Variants in CDH18 observed in about 807,000 individuals in gnomAD.
The protein encoded by CDH18 is cadherin-18.
Under a neutral mutation model 67.9 loss-of-function variants are expected in CDH18, and 31 were observed. The observed-to-expected ratio is 0.46, with a 90% CI of 0.34 to 0.62. CDH18 has a LOEUF of 0.62. Ranked by LOEUF, CDH18 falls within the 20% of genes least tolerant of loss-of-function variation. CDH18 has a pLI of 0.01. For missense variants in CDH18, 890 were observed against 975.5 expected, an observed-to-expected ratio of 0.91 and a Z score of 1.17; for synonymous variants, 362 against 347.2, an observed-to-expected ratio of 1.04 and a Z score of -0.48.
Position 19,839,126 on chromosome 5 carries a change from C to T in CDH18, c.-140G>A. 1.6e-6 allele frequency: 1 copy of T among 642,548 alleles called. No individual in the cohort carries two copies. The highest frequency in any genetic ancestry group is 2.8e-6 in the Non-Finnish European group (1 of 362,510). The allele number at this position is 642,548 out of a possible 1,614,324, so 39.8% of individuals were successfully genotyped here. A position where few individuals can be genotyped will look rare whatever the true frequency, so the allele number is the denominator to read the frequency against. On this transcript the variant is annotated 5_prime_UTR_variant, in exon 3 of 13. Transcript: ENST00000382275. Reference sequence around the variant, plus strand: ...ATTGTTTAGCGTGTCCATGATTTAACTGTCCATCAGGGAAAGGTCAGATCA... The same window carrying T: ...ATTGTTTAGCGTGTCCATGATTTAATTGTCCATCAGGGAAAGGTCAGATCA...
At chr5:19,844,502 T>C (rs1339683716) in intron 2 of CDH18, among the ~76,000 whole-genome samples, 1 of 152,144 alleles carries the variant, frequency 6.6e-6, no homozygotes, top group Admixed American at 6.5e-5. Flanking sequence ...GAACTGTGAG[T>C]CAATTAAATC....
chr5:19,677,926 G>T lies in CDH18; in HGVS notation c.643+43421C>A, dbSNP rs1023932953. 1.2e-4 allele frequency among the ~76,000 whole-genome samples: 18 copies of T among 151,952 alleles called. 1 individual carries two copies. The highest frequency in any genetic ancestry group is 8.5e-4 in the Admixed American group (13 of 15,210). ...TGACAAGCAGACCTAACTTCTCTTA[G>T]TGTGTGTAAATCAAATTAAATATAT... On this transcript the variant is annotated intron_variant, in intron 5 of 12. Transcript: ENST00000382275.
intron 2 of CDH18, among the ~76,000 whole-genome samples, chr5:20,198,000 T>A (rs754000857): frequency 6.6e-6 from 1 of 152,126 alleles, no homozygotes; most frequent in Non-Finnish European, 1.5e-5. Context: ...GGCTTCCCCC[T>A]TAAGTGGGCA....
chr5:20,084,465 G>A (rs547435315), intron 2 of CDH18, among the ~76,000 whole-genome samples: 1 of 152,156 alleles, frequency 6.6e-6, no homozygotes, highest in South Asian at 2.1e-4. Context: ...CAAGCTGTCA[G>A]TGGATATACC....
chr5:20,407,733 T>TA (rs201052975), intron 1 of CDH18, among the ~76,000 whole-genome samples: 6,894 of 151,186 alleles, frequency 0.046, 433 homozygotes, highest in African/African-American at 0.14. Flanking sequence ...TTTTTTTTTT[T>TA]AAAAAACTTG....
intron 3 of CDH18, among the ~76,000 whole-genome samples, chr5:19,753,793 T>C (rs988611855): frequency 2.0e-5 from 3 of 152,168 alleles, no homozygotes; most frequent in Non-Finnish European, 4.4e-5. Context: ...GCAGAAACCA[T>C]ACAAGCTCGA....
chr5:20,339,316 A>G (rs1480726259), intron 1 of CDH18, among the ~76,000 whole-genome samples: 1 of 152,136 alleles, frequency 6.6e-6, no homozygotes, highest in African/African-American at 2.4e-5. Context: ...GGGAAGTATT[A>G]ATTTTAACAC....
At chr5:19,670,796 A>G (rs1227189959) in intron 5 of CDH18, among the ~76,000 whole-genome samples, 1 of 152,124 alleles carries the variant, frequency 6.6e-6, no homozygotes, top group Non-Finnish European at 1.5e-5. Flanking sequence ...TTAATGTATT[A>G]TTAATGGGAA....
At chr5:19,667,601 C>T (rs543760727) in intron 5 of CDH18, among the ~76,000 whole-genome samples, 13 of 150,382 alleles carry the variant, frequency 8.6e-5, no homozygotes, top group African/African-American at 2.9e-4. Context: ...AGTAGTTAAA[C>T]AGGCTACATA....
At chr5:19,485,165 G>C (rs1579723944) in intron 11 of CDH18, among the ~76,000 whole-genome samples, 1 of 148,990 alleles carries the variant, frequency 6.7e-6, no homozygotes, top group East Asian at 1.9e-4. Context: ...TTGAGTTACT[G>C]AAAATCAGAA....
At chr5:20,384,864 T>C (rs2150106118) in intron 1 of CDH18, among the ~76,000 whole-genome samples, 1 of 152,224 alleles carries the variant, frequency 6.6e-6, no homozygotes, top group African/African-American at 2.4e-5. Context: ...TGAGTTGGAG[T>C]CTCACTCTGC....
intron 2 of CDH18, among the ~76,000 whole-genome samples, chr5:19,902,605 G>C (rs1162450421): frequency 3.3e-5 from 5 of 151,756 alleles, no homozygotes; most frequent in Middle Eastern, 6.8e-3. Context: ...GCAATCTTGT[G>C]CGAGATTTCT....
intron 7 of CDH18, among the ~76,000 whole-genome samples, chr5:19,576,916 TA>T (rs1742409150): frequency 6.6e-6 from 1 of 152,130 alleles, no homozygotes; most frequent in African/African-American, 2.4e-5. Context: ...GTCTGTTACT[TA>T]AAAAAAGATT....
intron 9 of CDH18, among the ~76,000 whole-genome samples, chr5:19,525,167 C>CA (rs1203208409): frequency 6.6e-6 from 1 of 152,146 alleles, no homozygotes; most frequent in African/African-American, 2.4e-5. Flanking sequence ...AATAAAAGAA[C>CA]AAGCAAGCAG....
At chr5:20,068,899 T>C (rs1326822024) in intron 2 of CDH18, among the ~76,000 whole-genome samples, 6 of 152,154 alleles carry the variant, frequency 3.9e-5, no homozygotes, top group Non-Finnish European at 7.4e-5. Context: ...ATAAACATGA[T>C]AATGAGAAAA....
At chr5:20,005,746 C>T (rs1319889595) in intron 2 of CDH18, among the ~76,000 whole-genome samples, 1 of 151,852 alleles carries the variant, frequency 6.6e-6, no homozygotes, top group Non-Finnish European at 1.5e-5. Context: ...TAGATTCATA[C>T]AAAAGAATCA....
At chr5:19,928,562 C>T (rs757947618) in intron 2 of CDH18, among the ~76,000 whole-genome samples, 2 of 152,070 alleles carry the variant, frequency 1.3e-5, no homozygotes, top group Non-Finnish European at 2.9e-5. Context: ...CTACACAATA[C>T]AGGAATGTAA....
At chr5:20,271,661 C>G (rs1745443984) in intron 1 of CDH18, among the ~76,000 whole-genome samples, 1 of 151,908 alleles carries the variant, frequency 6.6e-6, no homozygotes, top group Non-Finnish European at 1.5e-5. Context: ...ACAGGAAGAG[C>G]CTTGTGAGGA....
chr5:19,489,208 G>A lies in CDH18; in HGVS notation c.1631-5656C>T, dbSNP rs148892433. 9.3e-3 allele frequency among the ~76,000 whole-genome samples: 1,408 copies of A among 151,264 alleles called. 15 individuals are homozygous for A. The highest frequency in any genetic ancestry group is 0.038 in the Middle Eastern group (11 of 286). On this transcript the variant is annotated intron_variant, in intron 11 of 12. Transcript: ENST00000382275. Reference sequence around the variant, plus strand: ...ATGTACTTATTTTATAATCTCCGAGGAGATTAGTAATCAATCTGTTAGTGT... The same window carrying A: ...ATGTACTTATTTTATAATCTCCGAGAAGATTAGTAATCAATCTGTTAGTGT...
Sources: gnomAD v4.1 joint callset for allele counts (sites outside exome capture counted in the v4.1 genomes callset) on GRCh38, gnomAD v4.1.1 for gene constraint, MANE v1.5 for transcripts, NCBI Gene and HGNC (gene_info 2026-07-23, HGNC 2026-07-21) for gene names.